Variants in SHC2 observed in about 807,000 individuals in gnomAD.
SHC2 encodes the protein SHC-transforming protein 2.
In SHC2, 62 loss-of-function variants were observed where a neutral mutation model predicts 60.6. The ratio of observed to expected loss-of-function variants is 1.02; its 90% confidence interval spans 0.83 to 1.26. SHC2 has a LOEUF of 1.26. Among genes scored for constraint, SHC2 ranks in the 50% most tolerant of loss-of-function variants. The pLI is 0.00. For synonymous variants in SHC2, 375 were observed against 372.4 expected (o/e 1.01, Z -0.08); for missense variants, 873 against 822.2 (o/e 1.06, Z -0.76).
In SHC2 at chr19:430,727, T is replaced by C. The variant is rs1328749705; in HGVS notation, c.1131A>G (p.Arg377=). The change falls in exon 9 of 13, where the codon AGA becomes AGG. Residue 377 remains arginine, a synonymous_variant. Transcript: ENST00000264554. ...CGTCCCATGGCAGGCTGCAGGCATC[T>C]CTTAGAGAAGGAGATGGGCCCTGGA... ...ALDQGPSPSL[R]DACSLPWDVG... is the part of the protein sequence containing the mutation. 1 of 1,613,094 alleles carries C rather than the reference T, an allele frequency of 6.2e-7. No individual in the cohort carries two copies. The highest frequency in any genetic ancestry group is 2.2e-5 in the East Asian group (1 of 44,872).
In SHC2 at chr19:434,826, C is replaced by T. The variant is rs768781340; in HGVS notation, c.993G>A (p.Glu331=). Reference sequence around the variant, plus strand: ...TGTAGTAATTGTGCTCCAAAGAGTCCTCCTCGTCCCCCCAGGCCGACTCCT... The same window carrying T: ...TGTAGTAATTGTGCTCCAAAGAGTCTTCCTCGTCCCCCCAGGCCGACTCCT... ...GPEESAWGDE[E]DSLEHNYYNS... is the part of the protein sequence containing the mutation. Residue 331 remains glutamate, a synonymous_variant, in exon 8 of 13, where the codon GAG becomes GAA. Transcript: ENST00000264554. The T allele has an allele frequency of 1.9e-6, 3 of 1,612,434 alleles. No homozygotes were observed. In the Admixed American group the frequency reaches 5.0e-5, roughly 27 times the overall value.
In SHC2 at chr19:424,964, G is replaced by C. The variant is rs1233782363; in HGVS notation, c.1309+133C>G. On this transcript the variant is annotated intron_variant, in intron 10 of 12. Coordinates refer to ENST00000264554, the MANE Select transcript of SHC2 (RefSeq NM_012435.3). The surrounding 1 kb of genome is among the most constrained non-coding windows in gnomAD (Gnocchi z 4.5). ...TCCCCGTCCCACCCGTCGACTTGAAGGATCTCACGGGGAGAAGGGAGCCTC... is the reference window on the plus strand; with the variant it reads ...TCCCCGTCCCACCCGTCGACTTGAACGATCTCACGGGGAGAAGGGAGCCTC... 9.8e-7 allele frequency: 1 copy of C among 1,016,354 alleles called. No individual in the cohort carries two copies. Among genetic ancestry groups the C allele is most frequent in the African/African-American group, 1.7e-5 (1 of 60,444 alleles). 63.0% of individuals were successfully genotyped at this position (1,016,354 alleles called of 1,614,324 possible).
intron 1 of SHC2, among the ~76,000 whole-genome samples, chr19:452,807 G>C (rs1386126208): frequency 1.3e-5 from 2 of 152,234 alleles, no homozygotes; most frequent in African/African-American, 4.8e-5. Flanking sequence ...ACAAAACGCA[G>C]CTCTCCAAGC....
chr19:418,983 AT>A lies in SHC2; in HGVS notation c.1693del (p.Ile565SerfsTer194), dbSNP rs1171038906. 1.9e-6 allele frequency: 3 copies of A among 1,586,230 alleles called. No homozygotes were observed. In the Admixed American group the frequency reaches 5.3e-5, roughly 28 times the overall value. On this transcript the variant is annotated frameshift_variant, in exon 12 of 13. Transcript: ENST00000264554. LOFTEE classifies it high-confidence loss of function. ...IDHHLQNGQP[I>X]VAAESELHLR... The stretch of plus-strand genomic sequence containing the variant: ...GTGCAGCTCACTCTCGGCGGCCACG[AT>A]GGGCTGCCCGTTCTGCAGGTGGTGG...
Position 438,691 on chromosome 19 carries a change from G to A in SHC2, c.720+27C>T, listed in dbSNP as rs1171902533. 3.9e-6 allele frequency: 6 copies of A among 1,547,564 alleles called. No individual in the cohort carries two copies. The Admixed American group carries it at 9.8e-5, about 25-fold the overall frequency. On this transcript the variant is annotated intron_variant, in intron 4 of 12. Coordinates refer to ENST00000264554, the MANE Select transcript of SHC2 (RefSeq NM_012435.3). This position sits in a 1 kb window ranked among gnomAD's most constrained non-coding sequence, Gnocchi z 5.0. ...CTCCTGGCCCCTCTGGGGGTCTGGGGACGCCAGGCGAAGAGGGCAGACCCA... is the reference window on the plus strand; with the variant it reads ...CTCCTGGCCCCTCTGGGGGTCTGGGAACGCCAGGCGAAGAGGGCAGACCCA...
chr19:429,702 C>T (rs1214464327), intron 9 of SHC2, among the ~76,000 whole-genome samples: 5 of 140,092 alleles, frequency 3.6e-5, no homozygotes, highest in East Asian at 2.2e-4. Context: ...CCAACATGCA[C>T]GGAAACCTAA....
chr19:444,864 C>G (rs1975014690), intron 1 of SHC2, among the ~76,000 whole-genome samples: 1 of 152,238 alleles, frequency 6.6e-6, no homozygotes, highest in African/African-American at 2.4e-5. Flanking sequence ...GTCTGTTAAT[C>G]CACTCCACGC....
chr19:449,318 A>G (rs1480923685), intron 1 of SHC2, among the ~76,000 whole-genome samples: 1 of 152,056 alleles, frequency 6.6e-6, no homozygotes, highest in Non-Finnish European at 1.5e-5. Context: ...AGATGGCACC[A>G]TTGCACTCCA....
At chr19:457,404 G>A (rs75654212) in intron 1 of SHC2, among the ~76,000 whole-genome samples, 1 of 85,662 alleles carries the variant, frequency 1.2e-5, no homozygotes, top group Non-Finnish European at 2.2e-5. Flanking sequence ...CAAACCCCAC[G>A]GCCGGGGTTT....
At chr19:430,650 C>T (rs750742675) in intron 9 of SHC2, 34 bp downstream of exon 9, 10 of 1,596,212 alleles carry the variant, frequency 6.3e-6, no homozygotes, top group Non-Finnish European at 8.6e-6. Context: ...CCAGAATCCT[C>T]GTGGGTACCC....
chr19:454,636 C>T (rs972827514), intron 1 of SHC2, among the ~76,000 whole-genome samples: 1 of 152,088 alleles, frequency 6.6e-6, no homozygotes. Context: ...AAAATACAAA[C>T]AAAATTAGCT....
At position 425,881 on chromosome 19, in the gene SHC2, T is replaced by G. The variant is rs184825717; in HGVS notation, c.1175-650A>C. On this transcript the variant is annotated intron_variant, in intron 9 of 12. Transcript: ENST00000264554. The surrounding 1 kb of genome is among the most constrained non-coding windows in gnomAD (Gnocchi z 4.1). Reference sequence around the variant, plus strand: ...CCGTCTCTACTAAAAATGCAAAAATTAGCTAGGCGTGGTGGTGGGCGCCTG... The same window carrying G: ...CCGTCTCTACTAAAAATGCAAAAATGAGCTAGGCGTGGTGGTGGGCGCCTG... 2.6e-5 allele frequency among the ~76,000 whole-genome samples: 4 copies of G among 151,844 alleles called. No homozygotes were observed. Among genetic ancestry groups the G allele is most frequent in the Non-Finnish European group, 4.4e-5 (3 of 67,934 alleles).
At chr19:449,754 C>T (rs114737070) in intron 1 of SHC2, among the ~76,000 whole-genome samples, 2 of 151,936 alleles carry the variant, frequency 1.3e-5, no homozygotes, top group Non-Finnish European at 2.9e-5. Context: ...AGAGCAAAAC[C>T]GTGTCTCAAT....
chr19:434,107 C>A (rs541365031), intron 8 of SHC2, among the ~76,000 whole-genome samples: 3 of 98,570 alleles, frequency 3.0e-5, no homozygotes, highest in East Asian at 7.0e-4. Flanking sequence ...TGAGTGAGAT[C>A]GTGAGTGAGA....
intron 12 of SHC2, 83 bp from the exon 13 acceptor site, chr19:417,405 G>C (rs1007593341): frequency 3.3e-5 from 5 of 152,326 alleles, no homozygotes; most frequent in African/African-American, 1.2e-4. Context: ...ATGCTCTTCT[G>C]CCTTGGCATC....
At position 417,262 on chromosome 19, in the gene SHC2, G is replaced by A. The variant is rs12460095; in HGVS notation, c.*66C>T. On this transcript the variant is annotated 3_prime_UTR_variant, in exon 13 of 13. Transcript: ENST00000264554. ...CCAGGAGGAGGGCTGAGAGCCCCAAGGCCATGACAGGCAGGAGCCGGGGCT... is the reference window on the plus strand; with the variant it reads ...CCAGGAGGAGGGCTGAGAGCCCCAAAGCCATGACAGGCAGGAGCCGGGGCT... The A allele has an allele frequency of 0.043, 6,533 of 153,604 alleles. 353 individuals carry two copies. The highest frequency in any genetic ancestry group is 0.12 in the African/African-American group (5,037 of 41,556). The allele number at this position is 153,604 out of a possible 1,614,324, so 9.5% of individuals were successfully genotyped here.
At chr19:456,367 G>A (rs1458902042) in intron 1 of SHC2, among the ~76,000 whole-genome samples, 1 of 152,030 alleles carries the variant, frequency 6.6e-6, no homozygotes, top group Admixed American at 6.5e-5. Flanking sequence ...TGGTCCATCA[G>A]CAACTCCTCC....
At chr19:417,405 GC>G (rs1263963485) in intron 12 of SHC2, 83 bp from the exon 13 acceptor site, 1 of 152,326 alleles carries the variant, frequency 6.6e-6, no homozygotes, top group Non-Finnish European at 1.5e-5. Flanking sequence ...ATGCTCTTCT[GC>G]CTTGGCATCA....
At position 424,991 on chromosome 19, in the gene SHC2, C is replaced by T. The variant is rs1285846550; in HGVS notation, c.1309+106G>A. 1.7e-6 allele frequency: 2 copies of T among 1,208,386 alleles called. No individual in the cohort carries two copies. Among genetic ancestry groups the T allele is most frequent in the Non-Finnish European group, 2.2e-6 (2 of 925,166 alleles). The allele number at this position is 1,208,386 out of a possible 1,614,324, so 74.9% of individuals were successfully genotyped here. The stretch of plus-strand genomic sequence containing the variant: ...ATCTCACGGGGAGAAGGGAGCCTCC[C>T]CCATCAGACCAGGGAATCCCGTAGG... On this transcript the variant is annotated intron_variant, in intron 10 of 12. Transcript: ENST00000264554. This position sits in a 1 kb window ranked among gnomAD's most constrained non-coding sequence, Gnocchi z 4.5.
Sources: gnomAD v4.1 joint callset for allele counts (sites outside exome capture counted in the v4.1 genomes callset) on GRCh38, gnomAD v4.1.1 for gene constraint, Gnocchi (gnomAD v3.1) non-coding constraint, MANE v1.5 for transcripts, NCBI Gene and HGNC (gene_info 2026-07-23, HGNC 2026-07-21) for gene names.